The following CCDC169 variants were observed in gnomAD, a reference collection of about 807,000 sequenced individuals.
The protein encoded by CCDC169 is coiled-coil domain-containing protein 169.
Under a neutral mutation model 36.0 loss-of-function variants are expected in CCDC169, and 30 were observed. The ratio of observed to expected loss-of-function variants is 0.83; its 90% CI spans 0.62 to 1.13. The LOEUF (loss-of-function observed/expected upper bound fraction) is 1.13, where lower values mean the gene tolerates loss of function less well. Ranked by LOEUF, CCDC169 falls within the 50% of genes most tolerant of loss-of-function variation. The pLI, the probability that CCDC169 is intolerant of heterozygous loss-of-function variation, is 0.00. For synonymous variants in CCDC169, 85 were observed against 81.5 expected, an observed-to-expected ratio of 1.04 and a Z score of -0.23; for missense variants, 245 against 245.9, an observed-to-expected ratio of 1.00 and a Z score of 0.03.
At chr13:36,256,209 G>T (rs1303052568) in intron 4 of CCDC169, among the ~76,000 whole-genome samples, 3 of 152,216 alleles carry the variant, frequency 2.0e-5, no homozygotes, top group Non-Finnish European at 4.4e-5. Flanking sequence ...GTCACTTAGG[G>T]AAGTTCAGGA....
intron 2 of CCDC169, among the ~76,000 whole-genome samples, chr13:36,286,223 T>C (rs1878236873): frequency 6.6e-6 from 1 of 152,110 alleles, no homozygotes; most frequent in Non-Finnish European, 1.5e-5. Flanking sequence ...GGATCCTCTC[T>C]TTTCTTCCTG....
At chr13:36,264,826 T>C (rs565379918) in intron 4 of CCDC169, among the ~76,000 whole-genome samples, 13 of 152,304 alleles carry the variant, frequency 8.5e-5, no homozygotes, top group Admixed American at 7.8e-4. Context: ...CACTAAAAAT[T>C]ACAAACCCAG....
At chr13:36,246,597 A>T (rs940674713) in intron 7 of CCDC169, among the ~76,000 whole-genome samples, 3 of 152,350 alleles carry the variant, frequency 2.0e-5, no homozygotes. Flanking sequence ...ATAACATAAA[A>T]ATGCCAAGTG....
At chr13:36,296,666 T>TAA (rs1879532309) in intron 1 of CCDC169, among the ~76,000 whole-genome samples, 3 of 152,220 alleles carry the variant, frequency 2.0e-5, no homozygotes, top group African/African-American at 7.2e-5. Flanking sequence ...GGCATTGTAT[T>TAA]AAATACGGAA....
chr13:36,245,545 G>A (rs1053611480), intron 7 of CCDC169, among the ~76,000 whole-genome samples: 2 of 151,936 alleles, frequency 1.3e-5, no homozygotes. Context: ...CAATCCTCCC[G>A]CCTCAGCCTC....
intron 4 of CCDC169, among the ~76,000 whole-genome samples, chr13:36,258,346 G>C (rs1874179375): frequency 6.6e-6 from 1 of 152,072 alleles, no homozygotes; most frequent in Admixed American, 6.6e-5. Flanking sequence ...ATAGAGGCTA[G>C]GTAAAATAAG....
At chr13:36,261,907 G>A (rs1376599466) in intron 4 of CCDC169, among the ~76,000 whole-genome samples, 2 of 152,152 alleles carry the variant, frequency 1.3e-5, no homozygotes, top group Admixed American at 1.3e-4. Context: ...GTTGATTTTA[G>A]CCCAGTAGAC....
intron 7 of CCDC169, chr13:36,240,777 G>A (rs1307806236): frequency 2.7e-5 from 9 of 335,974 alleles, no homozygotes; most frequent in Non-Finnish European, 4.3e-5. Flanking sequence ...CCTTGCTTTC[G>A]GGAATATGAT....
chr13:36,248,127 T>A (rs1872712488), intron 7 of CCDC169, among the ~76,000 whole-genome samples: 1 of 152,210 alleles, frequency 6.6e-6, no homozygotes, highest in African/African-American at 2.4e-5. Context: ...GTAAGGTATT[T>A]ACATTGTTTT....
intron 4 of CCDC169, among the ~76,000 whole-genome samples, chr13:36,278,102 GT>G (rs1396464128): frequency 2.0e-5 from 3 of 152,164 alleles, no homozygotes; most frequent in African/African-American, 7.2e-5. Flanking sequence ...TCCCTTCCAA[GT>G]TGATTGGGGT....
At chr13:36,231,441 A>G in intron 7 of CCDC169, 149 bp from the exon 8 acceptor site, 2 of 748,234 alleles carry the variant, frequency 2.7e-6, no homozygotes, top group Non-Finnish European at 4.3e-6. Context: ...GTTTCTGCTT[A>G]CAGTGCAAAT....
At chr13:36,289,002 A>T (rs1878567124) in intron 2 of CCDC169, among the ~76,000 whole-genome samples, 1 of 152,168 alleles carries the variant, frequency 6.6e-6, no homozygotes, top group Non-Finnish European at 1.5e-5. Context: ...TAAGGTTCAT[A>T]AAAGGAAAAT....
rs534472466 is a variant in CCDC169, at chr13:36,231,051, G to T, written c.*142C>A. ...CTTTTATGCAGACAAAGGAACACAC[G>T]TCTGGAAAAGGAACTAAAGAAAAAT... On this transcript the variant is annotated 3_prime_UTR_variant, in exon 8 of 8. Coordinates refer to ENST00000239859, the MANE Select transcript of CCDC169 (RefSeq NM_001144981.3). The T allele has an allele frequency of 1.8e-5, 26 of 1,420,312 alleles. No individual in the cohort carries two copies. The highest frequency in any genetic ancestry group is 2.4e-5 in the Non-Finnish European group (26 of 1,092,242). The allele number at this position is 1,420,312 out of a possible 1,614,324, so 88.0% of individuals were successfully genotyped here. A position where few individuals can be genotyped will look rare whatever the true frequency, so the allele number is the denominator to read the frequency against.
At chr13:36,245,053 C>T (rs1283706822) in intron 7 of CCDC169, among the ~76,000 whole-genome samples, 4 of 152,074 alleles carry the variant, frequency 2.6e-5, no homozygotes, top group African/African-American at 9.7e-5. Context: ...TAATCTCCAC[C>T]AAGGAAATTT....
Position 36,254,090 on chromosome 13 carries a change from T to TTCTCTC in CCDC169, c.368_369insGAGAGA (p.Glu123_Ser124insArgGlu). On this transcript the variant is annotated inframe_insertion, in exon 5 of 8. Coordinates refer to ENST00000239859, the MANE Select transcript of CCDC169 (RefSeq NM_001144981.3). ...TAAGTGCATAGTATTTCACTTGACT[T>TTCTCTC]TCAAGAGTCTTCTTTTCTTCTTCTA... is the stretch of plus-strand genomic sequence containing the variant. 1 of 1,548,366 alleles carries TTCTCTC rather than the reference T, an allele frequency of 6.5e-7. No homozygotes were observed. The highest frequency in any genetic ancestry group is 1.2e-5 in the South Asian group (1 of 83,442).
chr13:36,244,576 T>G (rs1046411349), intron 7 of CCDC169: 1 of 152,180 alleles, frequency 6.6e-6, no homozygotes, highest in Non-Finnish European at 1.5e-5. Flanking sequence ...CCTTATGCCT[T>G]TGTTGATTTT....
chr13:36,274,033 C>A (rs979063799), intron 4 of CCDC169, among the ~76,000 whole-genome samples: 3 of 152,118 alleles, frequency 2.0e-5, no homozygotes, highest in Non-Finnish European at 4.4e-5. Context: ...CCAGAATTCC[C>A]AGAATAACCC....
At chr13:36,277,597 C>T (rs1876987581) in intron 4 of CCDC169, among the ~76,000 whole-genome samples, 1 of 152,102 alleles carries the variant, frequency 6.6e-6, no homozygotes, top group African/African-American at 2.4e-5. Flanking sequence ...GGTGAATGCA[C>T]ATGTTAGAGA....
intron 7 of CCDC169, 131 bp from the exon 8 acceptor site, chr13:36,231,423 T>C (rs983533162): frequency 1.2e-5 from 10 of 823,470 alleles, no homozygotes; most frequent in African/African-American, 5.2e-5. Flanking sequence ...GAAACCTTCC[T>C]GTGAATAGTT....
Sources: allele counts gnomAD v4.1 joint callset (sites outside exome capture counted in the v4.1 genomes callset), GRCh38; gene constraint gnomAD v4.1.1; transcripts MANE v1.5; gene names NCBI Gene and HGNC (gene_info 2026-07-23, HGNC 2026-07-21).